SLIT3: variants seen among roughly 807,000 people sequenced by gnomAD.
SLIT3 encodes slit homolog 3 protein.
SLIT3 carries 68 observed loss-of-function variants against 184.0 expected under a neutral mutation model. That is an observed-to-expected ratio of 0.37 (90% confidence interval 0.30 to 0.45). The LOEUF (loss-of-function observed/expected upper bound fraction) is 0.45. Ranked by LOEUF, SLIT3 falls within the 20% of genes least tolerant of loss-of-function variation. SLIT3 has a pLI of 1.00. For synonymous variants in SLIT3, 831 were observed against 828.6 expected, an observed-to-expected ratio of 1.00 and a Z score of -0.05; for missense variants, 1,707 against 2,026.0, an observed-to-expected ratio of 0.84 and a Z score of 3.02.
chr5:169,196,041 C>T (rs772044589), intron 3 of SLIT3, among the ~76,000 whole-genome samples: 15 of 152,142 alleles, frequency 9.9e-5, no homozygotes, highest in Non-Finnish European at 2.2e-4. Flanking sequence ...AACAACAACT[C>T]CCCATCCCTC....
chr5:169,267,562 T>C (rs1766443100), intron 1 of SLIT3, among the ~76,000 whole-genome samples: 1 of 152,254 alleles, frequency 6.6e-6, no homozygotes, highest in African/African-American at 2.4e-5. Flanking sequence ...ACTTCACTTA[T>C]ACCAGTAAAT....
At chr5:168,733,552 C>A (rs1763347314) in intron 20 of SLIT3, among the ~76,000 whole-genome samples, 1 of 152,054 alleles carries the variant, frequency 6.6e-6, no homozygotes, top group South Asian at 2.1e-4. Context: ...TGTCCATCAA[C>A]AGAGGATTGG....
intron 4 of SLIT3, among the ~76,000 whole-genome samples, chr5:169,067,405 C>CA (rs1041255024): frequency 1.0e-3 from 150 of 149,832 alleles, no homozygotes; most frequent in African/African-American, 2.3e-3. Context: ...GACTCCACCT[C>CA]AAAAAAAAAT....
At chr5:168,947,420 A>G (rs1353436135) in intron 4 of SLIT3, among the ~76,000 whole-genome samples, 1 of 152,130 alleles carries the variant, frequency 6.6e-6, no homozygotes, top group Non-Finnish European at 1.5e-5. Flanking sequence ...CCACTCCCCC[A>G]GGCCCCTGCT....
chr5:169,201,370 A>G (rs1763899370), intron 3 of SLIT3, among the ~76,000 whole-genome samples: 1 of 152,196 alleles, frequency 6.6e-6, no homozygotes, highest in Non-Finnish European at 1.5e-5. Flanking sequence ...CCTAAAGATT[A>G]TTTTAGGAAC....
chr5:169,074,378 G>A (rs1221923469), intron 4 of SLIT3, among the ~76,000 whole-genome samples: 1 of 152,064 alleles, frequency 6.6e-6, no homozygotes, highest in Non-Finnish European at 1.5e-5. Context: ...TGTATCCTGA[G>A]TGATACAACT....
At chr5:168,707,953 G>A in intron 26 of SLIT3, 23 bp downstream of exon 26, 1 of 1,613,872 alleles carries the variant, frequency 6.2e-7, no homozygotes, top group South Asian at 1.1e-5. Flanking sequence ...CATGAACACG[G>A]GGGGGCAGGG....
chr5:168,860,451 G>A (rs1055414911), intron 5 of SLIT3, among the ~76,000 whole-genome samples: 2 of 152,108 alleles, frequency 1.3e-5, no homozygotes, highest in African/African-American at 4.8e-5. Context: ...GGATTGAGGA[G>A]TCCCAGGGAT....
At chr5:168,988,187 C>T (rs929145731) in intron 4 of SLIT3, among the ~76,000 whole-genome samples, 7 of 152,184 alleles carry the variant, frequency 4.6e-5, no homozygotes, top group Admixed American at 2.0e-4. Context: ...GGTTTTAAAA[C>T]GGGAAGCCCT....
intron 4 of SLIT3, among the ~76,000 whole-genome samples, chr5:168,967,625 A>G (rs1266253816): frequency 7.1e-6 from 1 of 141,186 alleles, no homozygotes; most frequent in Non-Finnish European, 1.6e-5. Flanking sequence ...TATTTTTAGT[A>G]GAGACGGGGT....
intron 32 of SLIT3, among the ~76,000 whole-genome samples, chr5:168,681,268 G>A (rs949447310): frequency 1.3e-5 from 2 of 152,198 alleles, no homozygotes; most frequent in African/African-American, 4.8e-5. Flanking sequence ...GTTGATATGT[G>A]TGTCTTCCTC....
intron 4 of SLIT3, among the ~76,000 whole-genome samples, chr5:169,050,409 C>T (rs1372570742): frequency 3.3e-5 from 5 of 152,168 alleles, no homozygotes; most frequent in Non-Finnish European, 5.9e-5. Context: ...ACCCATCCAT[C>T]CCATAATTAT....
At chr5:168,740,972 C>T (rs1014156524) in intron 20 of SLIT3, among the ~76,000 whole-genome samples, 1 of 152,140 alleles carries the variant, frequency 6.6e-6, no homozygotes, top group Non-Finnish European at 1.5e-5. Flanking sequence ...TGGCACAGCC[C>T]GGTCCAAGGG....
chr5:168,700,142 C>T (rs1316801991), intron 27 of SLIT3, among the ~76,000 whole-genome samples: 17 of 152,230 alleles, frequency 1.1e-4, no homozygotes, highest in Non-Finnish European at 5.9e-5. Flanking sequence ...GCACTGGGCA[C>T]GCCCTCGCTG....
intron 4 of SLIT3, among the ~76,000 whole-genome samples, chr5:168,926,274 A>G (rs1761820205): frequency 6.6e-6 from 1 of 152,208 alleles, no homozygotes; most frequent in Non-Finnish European, 1.5e-5. Flanking sequence ...ACTATAAGCT[A>G]TGGTTCCCAG....
At chr5:168,688,657 A>C (rs1337336772) in intron 29 of SLIT3, among the ~76,000 whole-genome samples, 1 of 152,240 alleles carries the variant, frequency 6.6e-6, no homozygotes, top group East Asian at 1.9e-4. Flanking sequence ...CGTTTACTTG[A>C]TTGGCAAATT....
At chr5:168,968,562 C>T (rs1754430565) in intron 4 of SLIT3, among the ~76,000 whole-genome samples, 1 of 152,220 alleles carries the variant, frequency 6.6e-6, no homozygotes, top group Non-Finnish European at 1.5e-5. Flanking sequence ...AAGCACCTGT[C>T]TTCAAGGAGC....
chr5:168,695,621 G>T (rs140573973), intron 28 of SLIT3, among the ~76,000 whole-genome samples: 3 of 152,214 alleles, frequency 2.0e-5, no homozygotes, highest in South Asian at 2.1e-4. Flanking sequence ...ACAATCTAAT[G>T]ATATATTTAA....
intron 3 of SLIT3, among the ~76,000 whole-genome samples, chr5:169,238,616 T>C (rs1056632719): frequency 4.2e-5 from 6 of 142,972 alleles, no homozygotes; most frequent in South Asian, 4.4e-4. Context: ...ATGAAAAACA[T>C]GGCCTTGTAT....
Sources: gnomAD v4.1 joint callset for allele counts (sites outside exome capture counted in the v4.1 genomes callset) on GRCh38, gnomAD v4.1.1 for gene constraint, MANE v1.5 for transcripts, NCBI Gene and HGNC (gene_info 2026-07-23, HGNC 2026-07-21) for gene names.